Variants in TOP2B observed in about 807,000 individuals in gnomAD.
TOP2B encodes DNA topoisomerase II beta, also known as DNA topoisomerase 2-beta.
TOP2B carries 51 observed loss-of-function variants against 193.5 expected under a neutral mutation model. The ratio of observed to expected loss-of-function variants is 0.26; its 90% confidence interval spans 0.21 to 0.33. The LOEUF (loss-of-function observed/expected upper bound fraction) is 0.33, where lower values mean the gene tolerates loss of function less well. Ranked by LOEUF, TOP2B falls within the 10% of genes least tolerant of loss-of-function variation. The probability of loss-of-function intolerance (pLI) is 1.00; values close to 1 mark genes in which losing one functional copy is unlikely to be tolerated. For missense variants in TOP2B, 1,378 were observed against 1,909.3 expected, an observed-to-expected ratio of 0.72 and a Z score of 5.19; for synonymous variants, 634 against 635.7, an observed-to-expected ratio of 1.00 and a Z score of 0.04.
At chr3:25,622,747 T>G (rs1177315681) in intron 21 of TOP2B, among the ~76,000 whole-genome samples, 5 of 152,046 alleles carry the variant, frequency 3.3e-5, no homozygotes, top group Admixed American at 3.3e-4. Context: ...TTCAAGCGAT[T>G]CTCCTGCCTC....
At chr3:25,658,753 C>T (rs1193364684) in intron 1 of TOP2B, among the ~76,000 whole-genome samples, 2 of 152,092 alleles carry the variant, frequency 1.3e-5, no homozygotes, top group African/African-American at 2.4e-5. Flanking sequence ...TGATCTTTTT[C>T]AAGAACATTT....
chr3:25,663,381 T>A (rs1214876589), intron 1 of TOP2B, among the ~76,000 whole-genome samples: 2 of 152,198 alleles, frequency 1.3e-5, no homozygotes, highest in African/African-American at 4.8e-5. Context: ...AGGTTTTCTG[T>A]ATAGGAAATG....
Position 25,664,414 on chromosome 3 carries a change from G to A in TOP2B, c.-117C>T. On this transcript the variant is annotated 5_prime_UTR_variant, in exon 1 of 36. Coordinates refer to ENST00000264331, the MANE Select transcript of TOP2B (RefSeq NM_001330700.2). ...CTCCACTCGCCGCACTCCTAGCCGC[G>A]CCGACCCCCGCGCCCCATCGCGAAG... 1.6e-6 allele frequency: 2 copies of A among 1,287,510 alleles called. No individual in the cohort carries two copies. Among genetic ancestry groups the A allele is most frequent in the South Asian group, 2.5e-5 (1 of 40,712 alleles). The allele number at this position is 1,287,510 out of a possible 1,614,324, so 79.8% of individuals were successfully genotyped here. A position where few individuals can be genotyped will look rare whatever the true frequency, so the allele number is the denominator to read the frequency against.
At chr3:25,640,676 A>G (rs977610996) in intron 4 of TOP2B, among the ~76,000 whole-genome samples, 4 of 152,048 alleles carry the variant, frequency 2.6e-5, no homozygotes, top group Admixed American at 2.0e-4. Context: ...AAAATCTGTA[A>G]TGAACTGATA....
Position 25,630,474 on chromosome 3 carries a change from G to C in TOP2B, c.1406-5C>G. On this transcript the variant is annotated splice_region_variant and splice_polypyrimidine_tract_variant and intron_variant, in intron 11 of 35. Transcript: ENST00000264331. ...ACTCCAGGGAATGTTTACCACCTGA[G>C]AGAAATTTAAAATTATACATAGTAA... The C allele has an allele frequency of 2.0e-6, 3 of 1,524,754 alleles. No individual in the cohort carries two copies. The highest frequency in any genetic ancestry group is 1.4e-5 in the African/African-American group (1 of 71,746). The allele number at this position is 1,524,754 out of a possible 1,614,324, so 94.5% of individuals were successfully genotyped here. A position where few individuals can be genotyped will look rare whatever the true frequency, so the allele number is the denominator to read the frequency against.
At chr3:25,635,245 G>A (rs2125384383) in intron 7 of TOP2B, among the ~76,000 whole-genome samples, 1 of 152,152 alleles carries the variant, frequency 6.6e-6, no homozygotes, top group East Asian at 1.9e-4. Flanking sequence ...CCCATCTCCT[G>A]GGTAAATATA....
intron 6 of TOP2B, 35 bp downstream of exon 6, chr3:25,637,179 AT>A: frequency 6.8e-7 from 1 of 1,462,670 alleles, no homozygotes. Flanking sequence ...ATAAAACGTT[AT>A]TTTAAAAAAA....
At chr3:25,624,994 G>A (rs2293786) in intron 18 of TOP2B, 191 bp from the exon 19 acceptor site, 56,839 of 520,652 alleles carry the variant, frequency 0.11, 3,306 homozygotes, top group African/African-American at 0.16. Context: ...GCCATCTGCA[G>A]GTATATACTA....
Position 25,626,692 on chromosome 3 carries a change from T to C in TOP2B, c.2110-18A>G, listed in dbSNP as rs1284374958. On this transcript the variant is annotated intron_variant, in intron 17 of 35. Transcript: ENST00000264331. ...AAAAATTGCTAAGAGAAAAGTTATA[T>C]AGCAATATTATCATTATTACTGCAT... The C allele has an allele frequency of 8.0e-6, 12 of 1,499,188 alleles. No homozygotes were observed. Among genetic ancestry groups the C allele is most frequent in the Non-Finnish European group, 1.1e-5 (12 of 1,105,672 alleles). The allele number at this position is 1,499,188 out of a possible 1,614,324, so 92.9% of individuals were successfully genotyped here. A position where few individuals can be genotyped will look rare whatever the true frequency, so the allele number is the denominator to read the frequency against.
At position 25,646,531 on chromosome 3, in the gene TOP2B, C is replaced by T. The variant is rs376995991; in HGVS notation, c.70-1061G>A. ...ATATACTTCTCTCCTTCTGGGATTC[C>T]TTAATGCTGACAAATATGACATCCC... On this transcript the variant is annotated intron_variant, in intron 1 of 35. Transcript: ENST00000264331. 3.3e-5 allele frequency among the ~76,000 whole-genome samples: 5 copies of T among 152,292 alleles called. No individual in the cohort carries two copies. In the East Asian group the frequency reaches 9.6e-4, roughly 29 times the overall value.
At chr3:25,655,389 G>A (rs190773911) in intron 1 of TOP2B, among the ~76,000 whole-genome samples, 581 of 152,306 alleles carry the variant, frequency 3.8e-3, no homozygotes, top group Non-Finnish European at 5.5e-3. Flanking sequence ...TGGTAAGGAT[G>A]TGGAGAAACT....
In TOP2B at chr3:25,635,996, T is replaced by C. The variant is rs201107777; in HGVS notation, c.792A>G (p.Ala264=). The change falls in exon 7 of 36, where the codon GCA becomes GCG. Residue 264 remains alanine, a synonymous_variant. Coordinates refer to ENST00000264331, the MANE Select transcript of TOP2B (RefSeq NM_001330700.2). ...KDIVALMTRR[A]YDLAGSCRGV... The stretch of plus-strand genomic sequence containing the variant: ...CTCTACACGAACCAGCCAAATCATA[T>C]GCCCTTCTAGTCATGAGGGCCACAA... The C allele has an allele frequency of 1.9e-6, 3 of 1,613,498 alleles. No individual in the cohort carries two copies. The highest frequency in any genetic ancestry group is 1.7e-5 in the Admixed American group (1 of 59,984).
In TOP2B at chr3:25,615,422, A is replaced by G; in HGVS notation, c.3507+9T>C. ...AGTTTCAAACTATTTAACCCACAAA[A>G]GTTCATACTTTTGCATCTCTCTGTT... On this transcript the variant is annotated intron_variant, in intron 26 of 35. Transcript: ENST00000264331. 6.5e-7 allele frequency: 1 copy of G among 1,541,336 alleles called. No homozygotes were observed. Among genetic ancestry groups the G allele is most frequent in the South Asian group, 1.3e-5 (1 of 79,762 alleles).
Position 25,619,993 on chromosome 3 carries a change from A to G in TOP2B, c.2932T>C (p.Tyr978His). 3 of 1,604,112 alleles carry G rather than the reference A, an allele frequency of 1.9e-6. No individual in the cohort carries two copies. The highest frequency in any genetic ancestry group is 1.3e-5 in the African/African-American group (1 of 74,844). The change falls in exon 23 of 36, where the codon TAT becomes CAT. Residue 978 changes from tyrosine to histidine, a missense_variant. Around this residue, in one of 9 missense-constraint regions of TOP2B, gnomAD observed 379 missense variants for 615.1 expected, o/e 0.62. Coordinates refer to ENST00000264331, the MANE Select transcript of TOP2B (RefSeq NM_001330700.2). ...TDKTPALISDYKEYHTDTTVK... is the reference protein window; with the variant it reads ...TDKTPALISDHKEYHTDTTVK... ...GTTGTGTCAGTATGATATTCTTTAT[A>G]ATCAGAAATTAATGCTGGTGTTTTA...
intron 1 of TOP2B, among the ~76,000 whole-genome samples, chr3:25,661,959 C>T (rs1046443604): frequency 1.3e-5 from 2 of 152,108 alleles, no homozygotes; most frequent in African/African-American, 2.4e-5. Context: ...ATAAAGCAGA[C>T]GAAGTTACCT....
chr3:25,606,144 C>A (rs2125347171), intron 31 of TOP2B, 22 bp from the exon 32 acceptor site: 2 of 1,161,254 alleles, frequency 1.7e-6, no homozygotes, highest in African/African-American at 1.6e-5. Context: ...AAAATAAACA[C>A]CACAGAGGAT....
At chr3:25,607,413 C>G in intron 30 of TOP2B, 38 bp from the exon 31 acceptor site, 1 of 1,541,858 alleles carries the variant, frequency 6.5e-7, no homozygotes, top group Non-Finnish European at 8.8e-7. Context: ...AAACTCAAAT[C>G]CTAGCTTTGT....
At chr3:25,663,668 T>C (rs140339230) in intron 1 of TOP2B, among the ~76,000 whole-genome samples, 1 of 152,320 alleles carries the variant, frequency 6.6e-6, no homozygotes, top group African/African-American at 2.4e-5. Context: ...TATTAACTGC[T>C]GTGAAAGTCA....
chr3:25,603,574 G>C (rs1173728378), intron 33 of TOP2B, among the ~76,000 whole-genome samples: 1 of 151,972 alleles, frequency 6.6e-6, no homozygotes, highest in Admixed American at 6.6e-5. Flanking sequence ...GAAATTATAG[G>C]GTCCATCTCA....
Sources: gnomAD v4.1 joint callset for allele counts (sites outside exome capture counted in the v4.1 genomes callset) on GRCh38, gnomAD v4.1.1 for gene constraint, gnomAD v4.1.1 regional missense constraint, MANE v1.5 for transcripts, NCBI Gene and HGNC (gene_info 2026-07-23, HGNC 2026-07-21) for gene names.